Variants in RAD51B observed in about 807,000 individuals in gnomAD.
RAD51B encodes DNA repair protein RAD51 homolog 2.
A neutral mutation model predicts 42.2 loss-of-function variants in RAD51B; 38 were observed. The observed-to-expected ratio is 0.90, with a 90% CI of 0.70 to 1.18. The LOEUF (loss-of-function observed/expected upper bound fraction) is 1.18. Among genes scored for constraint, RAD51B ranks in the 50% most tolerant of loss-of-function variants. The probability of loss-of-function intolerance (pLI) is 0.00; values close to 1 mark genes in which losing one functional copy is unlikely to be tolerated. For synonymous variants in RAD51B, 154 were observed against 145.2 expected (o/e 1.06, Z -0.43); for missense variants, 373 against 400.7 (o/e 0.93, Z 0.59).
At chr14:68,618,996 G>A (rs2331780) in intron 10 of RAD51B, among the ~76,000 whole-genome samples, 24,813 of 152,148 alleles carry the variant, frequency 0.16, 2,438 homozygotes, top group South Asian at 0.24. Context: ...GACCACTCAC[G>A]TAGAGACAAC....
chr14:68,506,398 A>G (rs1234992091), intron 10 of RAD51B, among the ~76,000 whole-genome samples: 1 of 152,190 alleles, frequency 6.6e-6, no homozygotes, highest in Non-Finnish European at 1.5e-5. Flanking sequence ...AAATGCTACA[A>G]AACGTGGTGG....
intron 7 of RAD51B, among the ~76,000 whole-genome samples, chr14:68,094,705 T>C (rs1311402257): frequency 6.6e-6 from 1 of 152,186 alleles, no homozygotes; most frequent in Non-Finnish European, 1.5e-5. Context: ...AGGAGTATGA[T>C]TATCCCCACA....
At chr14:68,015,196 A>C (rs2075757026) in intron 7 of RAD51B, among the ~76,000 whole-genome samples, 1 of 152,222 alleles carries the variant, frequency 6.6e-6, no homozygotes, top group South Asian at 2.1e-4. Flanking sequence ...TGCTTAGGAT[A>C]GTGCTTAGCA....
At chr14:67,985,081 A>G (rs1028907392) in intron 7 of RAD51B, among the ~76,000 whole-genome samples, 6 of 152,202 alleles carry the variant, frequency 3.9e-5, no homozygotes, top group Admixed American at 2.0e-4. Flanking sequence ...TTAAGCTTAA[A>G]TGTTCATGGA....
chr14:68,387,871 G>A (rs887473307), intron 8 of RAD51B, among the ~76,000 whole-genome samples: 1 of 151,986 alleles, frequency 6.6e-6, no homozygotes, highest in Non-Finnish European at 1.5e-5. Context: ...AATATGCACT[G>A]AATTTCAAGG....
chr14:68,284,319 A>C (rs1341033786), intron 7 of RAD51B, among the ~76,000 whole-genome samples: 1 of 152,252 alleles, frequency 6.6e-6, no homozygotes, highest in Non-Finnish European at 1.5e-5. Context: ...AGCAATGCAA[A>C]GGTGGAATTT....
chr14:68,477,464 C>A (rs987952864), intron 10 of RAD51B, among the ~76,000 whole-genome samples, 184 bp from the exon 11 acceptor site: 1 of 152,190 alleles, frequency 6.6e-6, no homozygotes, highest in Admixed American at 6.5e-5. Flanking sequence ...CTGCGGGACC[C>A]TAACCCACAC....
At chr14:68,107,826 G>A (rs575913164) in intron 7 of RAD51B, among the ~76,000 whole-genome samples, 1 of 151,872 alleles carries the variant, frequency 6.6e-6, no homozygotes, top group East Asian at 1.9e-4. Context: ...ACACCTAAAT[G>A]TATGATCTAA....
chr14:68,590,940 C>T (rs569444442), intron 10 of RAD51B, among the ~76,000 whole-genome samples: 10 of 152,132 alleles, frequency 6.6e-5, no homozygotes, highest in African/African-American at 1.7e-4. Context: ...TCTCACTAGG[C>T]GACTGCTCCT....
chr14:67,922,326 T>A (rs7145044), intron 7 of RAD51B, among the ~76,000 whole-genome samples: 27,044 of 152,180 alleles, frequency 0.18, 2,619 homozygotes, highest in Middle Eastern at 0.36. Context: ...TGCCTCTTGC[T>A]GTCAGCTTTG....
intron 7 of RAD51B, among the ~76,000 whole-genome samples, chr14:68,289,542 C>T (rs1258744485): frequency 6.6e-6 from 1 of 151,536 alleles, no homozygotes; most frequent in African/African-American, 2.4e-5. Flanking sequence ...TGGTGAAACC[C>T]CATCTCTACT....
At chr14:68,260,979 T>C (rs765778214) in intron 7 of RAD51B, among the ~76,000 whole-genome samples, 6 of 152,256 alleles carry the variant, frequency 3.9e-5, no homozygotes, top group Non-Finnish European at 8.8e-5. Context: ...ATGCCTAATC[T>C]AACCTTTGTT....
intron 7 of RAD51B, among the ~76,000 whole-genome samples, chr14:68,033,607 C>A (rs773344830): frequency 1.4e-4 from 22 of 152,126 alleles, no homozygotes; most frequent in Non-Finnish European, 2.6e-4. Flanking sequence ...TGAAAGATAA[C>A]GAAACTCACT....
At chr14:68,153,539 T>C (rs1055771884) in intron 7 of RAD51B, among the ~76,000 whole-genome samples, 4 of 152,232 alleles carry the variant, frequency 2.6e-5, no homozygotes, top group African/African-American at 9.6e-5. Context: ...TTCTGACTTG[T>C]GTGAGATATT....
chr14:68,025,287 A>G (rs999948259), intron 7 of RAD51B, among the ~76,000 whole-genome samples: 26 of 151,974 alleles, frequency 1.7e-4, no homozygotes, highest in African/African-American at 5.1e-4. Context: ...TTTATCAGGG[A>G]TATTGGCCTG....
At chr14:67,873,120 A>G (rs377139775) in intron 5 of RAD51B, among the ~76,000 whole-genome samples, 2 of 152,246 alleles carry the variant, frequency 1.3e-5, no homozygotes, top group Non-Finnish European at 2.9e-5. Flanking sequence ...GCTTCTGCAC[A>G]GCAAAAGAAA....
intron 7 of RAD51B, among the ~76,000 whole-genome samples, chr14:68,064,819 G>C (rs959251965): frequency 1.3e-5 from 2 of 151,888 alleles, no homozygotes; most frequent in African/African-American, 4.8e-5. Flanking sequence ...TTTCTGTTTG[G>C]TTCTCTTTTT....
chr14:67,906,599 A>G (rs1306380125), intron 7 of RAD51B, among the ~76,000 whole-genome samples: 2 of 151,744 alleles, frequency 1.3e-5, no homozygotes, highest in East Asian at 1.9e-4. Flanking sequence ...TAGGGTTTCA[A>G]TTTCTTCCTG....
chr14:67,859,050 A>T (rs1286305910), intron 4 of RAD51B, among the ~76,000 whole-genome samples: 1 of 152,234 alleles, frequency 6.6e-6, no homozygotes, highest in Non-Finnish European at 1.5e-5. Context: ...TTTCAATCTA[A>T]CAAATGAAAT....
Sources: gnomAD v4.1 joint callset for allele counts (sites outside exome capture counted in the v4.1 genomes callset) on GRCh38, gnomAD v4.1.1 for gene constraint, MANE v1.5 for transcripts, NCBI Gene and HGNC (gene_info 2026-07-23, HGNC 2026-07-21) for gene names.